Variants in TBC1D22A observed in about 807,000 individuals in gnomAD.
The protein encoded by TBC1D22A is TBC1 domain family member 22A.
TBC1D22A carries 38 observed loss-of-function variants against 60.2 expected under a neutral mutation model. That is an observed-to-expected ratio of 0.63 (90% CI 0.49 to 0.83). The LOEUF is 0.83. Among genes scored for constraint, TBC1D22A ranks in the 40% least tolerant of loss-of-function variants. The pLI is 0.00. For missense variants in TBC1D22A, 628 were observed against 701.0 expected, an observed-to-expected ratio of 0.90 and a Z score of 1.18; for synonymous variants, 302 against 281.7, an observed-to-expected ratio of 1.07 and a Z score of -0.72.
At chr22:46,845,920 C>T (rs1485313407) in intron 4 of TBC1D22A, among the ~76,000 whole-genome samples, 7 of 152,330 alleles carry the variant, frequency 4.6e-5, no homozygotes, top group South Asian at 2.1e-4. Flanking sequence ...GAGGAGGATA[C>T]GCCTTGCTGC....
At chr22:47,112,215 G>A (rs994192771) in intron 12 of TBC1D22A, among the ~76,000 whole-genome samples, 3 of 152,312 alleles carry the variant, frequency 2.0e-5, no homozygotes, top group East Asian at 1.9e-4. Flanking sequence ...GAGGCGTCCC[G>A]GGCACACTGT....
At chr22:46,791,976 G>T (rs1182364544) in intron 1 of TBC1D22A, among the ~76,000 whole-genome samples, 1 of 152,182 alleles carries the variant, frequency 6.6e-6, no homozygotes, top group African/African-American at 2.4e-5. Context: ...TGCCAGGCTG[G>T]TCTCCAACTC....
intron 9 of TBC1D22A, among the ~76,000 whole-genome samples, chr22:46,981,884 C>A (rs570141315): frequency 6.6e-6 from 1 of 152,310 alleles, no homozygotes; most frequent in Admixed American, 6.5e-5. Flanking sequence ...TACCTAGACC[C>A]CCATATCCAG....
Position 46,990,891 on chromosome 22 carries a change from GC to G in TBC1D22A, c.1126-6742del, listed in dbSNP as rs2074915162. ...GATGGCCTCCTCCTGCTGGTGTGCC[GC>G]TTTACTCTGCTGGTTGGCCCGTGTC... On this transcript the variant is annotated intron_variant, in intron 9 of 12. Transcript: ENST00000337137. The surrounding 1 kb of genome is among the most constrained non-coding windows in gnomAD (Gnocchi z 4.6). Among the ~76,000 whole-genome samples, 1 of 152,142 alleles carries G rather than the reference GC, an allele frequency of 6.6e-6. No homozygotes were observed. The highest frequency in any genetic ancestry group is 6.5e-5 in the Admixed American group (1 of 15,270).
At chr22:47,132,245 G>A (rs1019385576) in intron 12 of TBC1D22A, among the ~76,000 whole-genome samples, 3 of 152,170 alleles carry the variant, frequency 2.0e-5, no homozygotes, top group East Asian at 1.9e-4. Flanking sequence ...CAGGCCTGGC[G>A]GTTGCACCCC....
intron 12 of TBC1D22A, among the ~76,000 whole-genome samples, chr22:47,145,499 C>T (rs1248649152): frequency 6.6e-6 from 1 of 152,122 alleles, no homozygotes; most frequent in Non-Finnish European, 1.5e-5. Flanking sequence ...GGGTCACTAG[C>T]CTGAAAGATT....
At chr22:46,774,017 G>A in intron 1 of TBC1D22A, 1 of 985,564 alleles carries the variant, frequency 1.0e-6, no homozygotes, top group East Asian at 1.1e-4. Flanking sequence ...TACAGAGAAA[G>A]CTGACTCACT....
intron 8 of TBC1D22A, among the ~76,000 whole-genome samples, chr22:46,972,385 G>A (rs373134624): frequency 1.6e-4 from 25 of 152,314 alleles, no homozygotes; most frequent in African/African-American, 5.5e-4. Flanking sequence ...CCCCTTGGTG[G>A]AGACAGCCCA....
chr22:46,779,633 G>C (rs567927738), intron 1 of TBC1D22A, among the ~76,000 whole-genome samples: 6 of 152,276 alleles, frequency 3.9e-5, no homozygotes, highest in Admixed American at 1.3e-4. Flanking sequence ...CTTTTGTTAT[G>C]TGCGGGAAAA....
intron 12 of TBC1D22A, among the ~76,000 whole-genome samples, chr22:47,146,901 T>A (rs1227529872): frequency 6.6e-6 from 1 of 152,218 alleles, no homozygotes; most frequent in African/African-American, 2.4e-5. Context: ...ACCTCCACCC[T>A]TTTGGATGAC....
chr22:46,846,484 C>G (rs553241725), intron 4 of TBC1D22A, among the ~76,000 whole-genome samples: 3 of 152,306 alleles, frequency 2.0e-5, no homozygotes, highest in African/African-American at 7.2e-5. Context: ...GGGAAAGGCT[C>G]TGCTCCTCGG....
intron 12 of TBC1D22A, among the ~76,000 whole-genome samples, chr22:47,134,700 G>C (rs1385101859): frequency 7.0e-6 from 1 of 142,682 alleles, no homozygotes; most frequent in Non-Finnish European, 1.5e-5. Context: ...GGGTCAGCCA[G>C]CTTCACTACC....
In TBC1D22A at chr22:46,997,644, C is replaced by G; in HGVS notation, c.1136C>G (p.Thr379Ser). The G allele has an allele frequency of 6.2e-7, 1 of 1,613,848 alleles. No individual in the cohort carries two copies. The highest frequency in any genetic ancestry group is 8.5e-7 in the Non-Finnish European group (1 of 1,179,886). Residue 379 changes from threonine (T) to serine (S), a missense_variant, in exon 10 of 13, where the codon ACC (threonine) becomes AGC (serine). Transcript: ENST00000337137. ...TTCTTTTTTCCTTAGGACAACTACA[C>G]CTTTGCCCAACCTGGGATTCAAATG... ...KLLDGIQDNY[T>S]FAQPGIQMKV...
chr22:47,165,338 A>G (rs958233374), intron 12 of TBC1D22A, among the ~76,000 whole-genome samples: 1 of 152,160 alleles, frequency 6.6e-6, no homozygotes, highest in African/African-American at 2.4e-5. Context: ...TCTTGCAGAT[A>G]GAGGGCAGTG....
chr22:46,955,997 C>T (rs932483852), intron 8 of TBC1D22A, among the ~76,000 whole-genome samples: 10 of 152,070 alleles, frequency 6.6e-5, no homozygotes, highest in Admixed American at 6.6e-4. Flanking sequence ...ATTTCTGTGT[C>T]GCCCTAAACA....
intron 11 of TBC1D22A, among the ~76,000 whole-genome samples, chr22:47,065,319 T>A (rs759334634): frequency 3.9e-5 from 6 of 152,228 alleles, no homozygotes; most frequent in Non-Finnish European, 5.9e-5. Context: ...GCAAGAGGAA[T>A]CTCAATTATA....
chr22:47,072,176 A>G (rs1037196948), intron 11 of TBC1D22A, among the ~76,000 whole-genome samples: 4 of 152,158 alleles, frequency 2.6e-5, no homozygotes, highest in African/African-American at 9.7e-5. Flanking sequence ...TAGGAGGAAA[A>G]AGAGGAGTGG....
At chr22:47,040,290 C>T (rs1453448346) in intron 11 of TBC1D22A, among the ~76,000 whole-genome samples, 1 of 152,122 alleles carries the variant, frequency 6.6e-6, no homozygotes, top group East Asian at 1.9e-4. Context: ...AGCTCACTCA[C>T]TAGCATGAGA....
chr22:47,119,481 C>T lies in TBC1D22A; in HGVS notation c.1425+7878C>T, dbSNP rs889780638. On this transcript the variant is annotated intron_variant, in intron 12 of 12. Transcript: ENST00000337137. Reference sequence around the variant, plus strand: ...AGTCCATTCCTGCTGTTATAACAAACTACCTTAGACTGGGTAATTTTTTTT... The same window carrying T: ...AGTCCATTCCTGCTGTTATAACAAATTACCTTAGACTGGGTAATTTTTTTT... Among the ~76,000 whole-genome samples the T allele has an allele frequency of 3.9e-5, 6 of 151,920 alleles. No homozygotes were observed. In the East Asian group the frequency reaches 9.7e-4, roughly 24 times the overall value.
Sources: gnomAD v4.1 joint callset for allele counts (sites outside exome capture counted in the v4.1 genomes callset) on GRCh38, gnomAD v4.1.1 for gene constraint, Gnocchi (gnomAD v3.1) non-coding constraint, MANE v1.5 for transcripts, NCBI Gene and HGNC (gene_info 2026-07-23, HGNC 2026-07-21) for gene names.